The following SCG5 variants were observed in gnomAD, a reference collection of about 807,000 sequenced individuals.
The protein encoded by SCG5 is secretogranin V.
In SCG5, 18 loss-of-function variants were observed where a neutral mutation model predicts 25.7. That is an observed-to-expected ratio of 0.70 (90% CI 0.48 to 1.04). The LOEUF (loss-of-function observed/expected upper bound fraction) is 1.04. Among genes scored for constraint, SCG5 ranks in the 50% least tolerant of loss-of-function variants. The probability of loss-of-function intolerance (pLI) is 0.00; values close to 1 mark genes in which losing one functional copy is unlikely to be tolerated. For missense variants in SCG5, 206 were observed against 259.8 expected, an observed-to-expected ratio of 0.79 and a Z score of 1.42; for synonymous variants, 101 against 91.7, an observed-to-expected ratio of 1.10 and a Z score of -0.58.
In SCG5 at chr15:32,643,673, C is replaced by T. The variant is rs1172323658; in HGVS notation, c.81C>T (p.Tyr27=). ...CTGGATGGACTCCAGCATTTGCTTA[C>T]AGCCCCCGGACCCCTGACCGGGTCT... ...LASGWTPAFA[Y]SPRTPDRVSE... Residue 27 remains tyrosine, a synonymous_variant, in exon 2 of 6, where the codon TAC becomes TAT. Transcript: ENST00000300175. 1.2e-6 allele frequency: 2 copies of T among 1,613,998 alleles called. No homozygotes were observed. The highest frequency in any genetic ancestry group is 8.5e-7 in the Non-Finnish European group (1 of 1,179,894).
Position 32,643,580 on chromosome 15 carries a change from C to A in SCG5, c.-7-6C>A. 1 of 1,604,128 alleles carries A rather than the reference C, an allele frequency of 6.2e-7. No homozygotes were observed. The highest frequency in any genetic ancestry group is 8.5e-7 in the Non-Finnish European group (1 of 1,170,972). ...TATCAGTATACATTTGGTCTTTTAT[C>A]TGCAGGTTGACAATGGTCTCCAGGA... On this transcript the variant is annotated splice_polypyrimidine_tract_variant and splice_region_variant and intron_variant, in intron 1 of 5. Coordinates refer to ENST00000300175, the MANE Select transcript of SCG5 (RefSeq NM_001144757.3).
At position 32,691,759 on chromosome 15, in the gene SCG5, G is replaced by A. The variant is rs757352985; in HGVS notation, c.539G>A (p.Arg180Gln). The A allele has an allele frequency of 1.7e-5, 28 of 1,612,346 alleles. No individual in the cohort carries two copies. Among genetic ancestry groups the A allele is most frequent in the African/African-American group, 2.7e-5 (2 of 74,870 alleles). ...ATGAAGGGAGGAGAGAGACGAAAGC[G>A]GAGGGTAACACGTGCCTGGCTGGAT... ...EKMKGGERRK[R>Q]RSVNPYLQGQ... is the part of the protein sequence containing the mutation. The change falls in exon 5 of 6, where the codon CGG becomes CAG. Residue 180 changes from arginine to glutamine, a missense_variant. By Grantham distance (43) the Arg-to-Gln change is conservative. Transcript: ENST00000300175.
Position 32,682,509 on chromosome 15 carries a change from G to A in SCG5, c.377-2048G>A, listed in dbSNP as rs543976654. Among the ~76,000 whole-genome samples, 4 of 152,304 alleles carry A rather than the reference G, an allele frequency of 2.6e-5. No individual in the cohort carries two copies. The South Asian group carries it at 8.3e-4, about 32-fold the overall frequency. On this transcript the variant is annotated intron_variant, in intron 3 of 5. Coordinates refer to ENST00000300175, the MANE Select transcript of SCG5 (RefSeq NM_001144757.3). ...AAACACAAAATCATACAGACCTGTG[G>A]AATCAAGCTCTAGTCTGTGCACTTA...
chr15:32,659,879 T>TA (rs61314216), intron 2 of SCG5, among the ~76,000 whole-genome samples: 2,196 of 145,696 alleles, frequency 0.015, 59 homozygotes, highest in East Asian at 0.12. Context: ...TGCTTTCCTT[T>TA]AAAAAAAAAA....
At chr15:32,667,835 G>A (rs1426918711) in intron 2 of SCG5, among the ~76,000 whole-genome samples, 5 of 151,990 alleles carry the variant, frequency 3.3e-5, no homozygotes, top group Admixed American at 3.3e-4. Context: ...AGCATGCCTG[G>A]ATAACTTTTT....
chr15:32,657,220 T>TATATATATATATATATATATA (rs71113464), intron 2 of SCG5, among the ~76,000 whole-genome samples: 106 of 106,528 alleles, frequency 1.0e-3, no homozygotes, highest in Non-Finnish European at 1.5e-3. Context: ...TATGTATGTA[T>TATATATATATATATATATATA]TTCCAGGTGT....
chr15:32,656,440 A>G (rs1332788627), intron 2 of SCG5, among the ~76,000 whole-genome samples: 1 of 152,250 alleles, frequency 6.6e-6, no homozygotes, highest in African/African-American at 2.4e-5. Flanking sequence ...ATACTTTTCT[A>G]TATTCTGTCT....
At chr15:32,654,249 A>G (rs1441510103) in intron 2 of SCG5, among the ~76,000 whole-genome samples, 1 of 152,200 alleles carries the variant, frequency 6.6e-6, no homozygotes, top group Non-Finnish European at 1.5e-5. Context: ...GGGAAGTCAA[A>G]ACCAAGGTGC....
chr15:32,657,289 G>A (rs555967521), intron 2 of SCG5, among the ~76,000 whole-genome samples: 2 of 144,856 alleles, frequency 1.4e-5, no homozygotes, highest in South Asian at 4.5e-4. Flanking sequence ...CCTTCACGTG[G>A]CCTCAGAAAA....
chr15:32,643,509 T>A (rs1228057432), intron 1 of SCG5, 77 bp from the exon 2 acceptor site: 1 of 1,149,478 alleles, frequency 8.7e-7, no homozygotes, highest in East Asian at 2.4e-5. Context: ...CAACCTGGAG[T>A]GGTTGCATCA....
chr15:32,661,413 A>G (rs1220922954), intron 2 of SCG5, among the ~76,000 whole-genome samples: 4 of 152,308 alleles, frequency 2.6e-5, no homozygotes, highest in African/African-American at 9.6e-5. Context: ...TGAGGTTGGG[A>G]GTTCAGAGAC....
intron 2 of SCG5, among the ~76,000 whole-genome samples, chr15:32,661,530 G>A (rs1313611808): frequency 6.6e-6 from 1 of 152,178 alleles, no homozygotes; most frequent in Admixed American, 6.5e-5. Context: ...TGAGGCAGGA[G>A]AATCACTTGA....
intron 2 of SCG5, among the ~76,000 whole-genome samples, chr15:32,646,552 C>T (rs1315519872): frequency 1.3e-5 from 2 of 152,190 alleles, no homozygotes; most frequent in African/African-American, 4.8e-5. Flanking sequence ...TATCCCATGA[C>T]CTTTTTCGGA....
chr15:32,642,498 G>T (rs1454332836), intron 1 of SCG5, among the ~76,000 whole-genome samples: 1 of 150,184 alleles, frequency 6.7e-6, no homozygotes, highest in Non-Finnish European at 1.5e-5. Context: ...AACCTGGGAG[G>T]TGGAGGTTGC....
At chr15:32,646,873 C>T (rs1188156665) in intron 2 of SCG5, among the ~76,000 whole-genome samples, 1 of 152,126 alleles carries the variant, frequency 6.6e-6, no homozygotes, top group Non-Finnish European at 1.5e-5. Context: ...TCTTCCATAC[C>T]CTTCCAACAT....
chr15:32,652,790 T>C lies in SCG5; in HGVS notation c.226+8972T>C, dbSNP rs190655990. 6.9e-4 allele frequency among the ~76,000 whole-genome samples: 105 copies of C among 152,350 alleles called. 1 individual carries two copies. Among genetic ancestry groups the C allele is most frequent in the African/African-American group, 2.4e-3 (100 of 41,590 alleles). On this transcript the variant is annotated intron_variant, in intron 2 of 5. Transcript: ENST00000300175. ...TACACCTCACTGATATGTCTTTTGA[T>C]GTTTTAAAATTTTGGACAGCACTAT...
intron 2 of SCG5, among the ~76,000 whole-genome samples, chr15:32,663,032 AAT>A (rs67571496): frequency 0.039 from 3,045 of 78,226 alleles, 63 homozygotes; most frequent in Non-Finnish European, 0.055. Context: ...AAAAAAAAAG[AAT>A]ATATATATAT....
At chr15:32,664,395 C>T (rs1322374996) in intron 2 of SCG5, among the ~76,000 whole-genome samples, 1 of 152,106 alleles carries the variant, frequency 6.6e-6, no homozygotes, top group Non-Finnish European at 1.5e-5. Flanking sequence ...AAACCCAGGC[C>T]TCGTTTGTCC....
intron 4 of SCG5, among the ~76,000 whole-genome samples, chr15:32,687,969 C>T (rs1382357962): frequency 6.6e-6 from 1 of 152,166 alleles, no homozygotes; most frequent in Non-Finnish European, 1.5e-5. Flanking sequence ...AGACTCCTTT[C>T]TAAATACTCA....
Sources: allele counts gnomAD v4.1 joint callset (sites outside exome capture counted in the v4.1 genomes callset), GRCh38; gene constraint gnomAD v4.1.1; transcripts MANE v1.5; gene names NCBI Gene and HGNC (gene_info 2026-07-23, HGNC 2026-07-21).